The following SLC24A2 variants were observed in gnomAD, a reference collection of about 807,000 sequenced individuals.
SLC24A2 encodes sodium/potassium/calcium exchanger 2.
Under a neutral mutation model 62.0 loss-of-function variants are expected in SLC24A2, and 36 were observed. The observed-to-expected ratio is 0.58, with a 90% CI of 0.44 to 0.77. The LOEUF is 0.77. SLC24A2 is among the 30% of genes least tolerant of loss of function. The pLI is 0.00. For synonymous variants in SLC24A2, 358 were observed against 294.0 expected (o/e 1.22, Z -2.23); for missense variants, 846 against 817.9 (o/e 1.03, Z -0.42).
intron 2 of SLC24A2, among the ~76,000 whole-genome samples, chr9:19,749,318 T>G (rs1269545734): frequency 6.6e-6 from 1 of 152,130 alleles, no homozygotes; most frequent in Non-Finnish European, 1.5e-5. Context: ...AGAATCTTTT[T>G]TGACCATATT....
chr9:19,735,709 G>C (rs200739893), intron 2 of SLC24A2, among the ~76,000 whole-genome samples: 2 of 151,982 alleles, frequency 1.3e-5, no homozygotes, highest in African/African-American at 4.8e-5. Flanking sequence ...TCCTTTGTAG[G>C]GACATGGATG....
At chr9:19,795,906 G>A in the SLC24A2 span, among the ~76,000 whole-genome samples, 2 of 150,810 alleles carry the variant, frequency 1.3e-5, no homozygotes, top group Non-Finnish European at 3.0e-5. Flanking sequence ...TTAAGCAAAT[G>A]TGGCACATAT....
At chr9:20,013,543 C>T in the SLC24A2 span, among the ~76,000 whole-genome samples, 299 of 152,216 alleles carry the variant, frequency 2.0e-3, no homozygotes, top group African/African-American at 6.7e-3. Context: ...CAGGCAACAA[C>T]GCAGAAATTG....
the SLC24A2 span, among the ~76,000 whole-genome samples, chr9:20,302,599 T>C: frequency 1.3e-5 from 2 of 152,050 alleles, no homozygotes; most frequent in African/African-American, 4.8e-5. Flanking sequence ...TGGTGTTGAG[T>C]TTTTTTTATA....
the SLC24A2 span, among the ~76,000 whole-genome samples, chr9:20,014,403 T>C: frequency 6.6e-6 from 1 of 151,550 alleles, no homozygotes; most frequent in Non-Finnish European, 1.5e-5. Flanking sequence ...ATGAGATCAG[T>C]ATGTTGAAGG....
the SLC24A2 span, among the ~76,000 whole-genome samples, chr9:20,206,539 G>A: frequency 4.6e-5 from 7 of 152,014 alleles, no homozygotes; most frequent in East Asian, 1.3e-3. Flanking sequence ...GCCCAGGCTG[G>A]AGTGCAGTGG....
At chr9:19,695,939 T>C (rs1248308350) in intron 2 of SLC24A2, among the ~76,000 whole-genome samples, 1 of 152,100 alleles carries the variant, frequency 6.6e-6, no homozygotes, top group Non-Finnish European at 1.5e-5. Context: ...ACAACTTTAC[T>C]ATATCTACTT....
the SLC24A2 span, among the ~76,000 whole-genome samples, chr9:20,234,110 G>A: frequency 2.0e-5 from 3 of 152,206 alleles, no homozygotes; most frequent in African/African-American, 7.2e-5. Context: ...TTAGTCTGAT[G>A]GGCTTCCCTT....
chr9:20,049,517 G>C, the SLC24A2 span, among the ~76,000 whole-genome samples: 1 of 151,842 alleles, frequency 6.6e-6, no homozygotes, highest in Non-Finnish European at 1.5e-5. Flanking sequence ...CTCTAAATAC[G>C]AACACTGACA....
chr9:19,560,782 A>C (rs1835348875), intron 7 of SLC24A2, among the ~76,000 whole-genome samples: 1 of 151,932 alleles, frequency 6.6e-6, no homozygotes. Context: ...GTGTTCACTT[A>C]GTTTATTTTT....
chr9:20,262,007 G>A, the SLC24A2 span, among the ~76,000 whole-genome samples: 1 of 151,972 alleles, frequency 6.6e-6, no homozygotes, highest in Non-Finnish European at 1.5e-5. Context: ...CAAAGTGCTG[G>A]GAATACAGGT....
At chr9:19,914,901 C>G in the SLC24A2 span, among the ~76,000 whole-genome samples, 1 of 151,984 alleles carries the variant, frequency 6.6e-6, no homozygotes, top group Admixed American at 6.6e-5. Context: ...GTTCTGCACA[C>G]ATTTGATTTG....
At chr9:20,122,434 C>A in the SLC24A2 span, among the ~76,000 whole-genome samples, 1 of 152,250 alleles carries the variant, frequency 6.6e-6, no homozygotes, top group African/African-American at 2.4e-5. Flanking sequence ...CGCCTGTAAT[C>A]CCAGCACTTT....
At chr9:20,075,556 T>A in the SLC24A2 span, among the ~76,000 whole-genome samples, 2 of 152,268 alleles carry the variant, frequency 1.3e-5, no homozygotes, top group South Asian at 4.2e-4. Flanking sequence ...CACCTCACAC[T>A]TCCCTCCTTC....
Position 19,667,668 on chromosome 9 carries a change from C to T in SLC24A2, c.931-45369G>A, listed in dbSNP as rs540218862. Among the ~76,000 whole-genome samples, 8 of 152,256 alleles carry T rather than the reference C, an allele frequency of 5.3e-5. No individual in the cohort carries two copies. The East Asian group carries it at 1.5e-3, about 29-fold the overall frequency. ...AAGCACTGGCCCCAAGACCTATAGA[C>T]TGGAGGGTCAGCTCCCTGGAATGGC... On this transcript the variant is annotated intron_variant, in intron 2 of 10. Transcript: ENST00000341998.
chr9:19,978,925 GGAA>G, the SLC24A2 span, among the ~76,000 whole-genome samples: 1 of 152,254 alleles, frequency 6.6e-6, no homozygotes, highest in East Asian at 1.9e-4. Context: ...ATATCCTGGT[GGAA>G]GAAGACTTAA....
At chr9:20,124,223 TAGAC>T in the SLC24A2 span, among the ~76,000 whole-genome samples, 1 of 151,708 alleles carries the variant, frequency 6.6e-6, no homozygotes, top group Non-Finnish European at 1.5e-5. Flanking sequence ...ATGTATGTAA[TAGAC>T]AGGAGGATAT....
the SLC24A2 span, among the ~76,000 whole-genome samples, chr9:20,096,099 C>A: frequency 7.3e-6 from 1 of 137,448 alleles, no homozygotes; most frequent in Non-Finnish European, 1.7e-5. Flanking sequence ...GTCCGTCCGT[C>A]CGTCCGTCCG....
chr9:19,596,226 T>C (rs889018741), intron 5 of SLC24A2, among the ~76,000 whole-genome samples: 1 of 152,162 alleles, frequency 6.6e-6, no homozygotes, highest in African/African-American at 2.4e-5. Context: ...TAAGGCAGCT[T>C]AGAATATTAG....
Sources: gnomAD v4.1 joint callset for allele counts (sites outside exome capture counted in the v4.1 genomes callset) on GRCh38, gnomAD v4.1.1 for gene constraint, MANE v1.5 for transcripts, NCBI Gene and HGNC (gene_info 2026-07-23, HGNC 2026-07-21) for gene names.